REC114: variants seen among roughly 807,000 people sequenced by gnomAD.
REC114 encodes REC114 meiotic recombination protein, also known as meiotic recombination protein REC114.
Under a neutral mutation model 31.3 loss-of-function variants are expected in REC114, and 27 were observed. That is an observed-to-expected ratio of 0.86 (90% CI 0.64 to 1.19). The LOEUF is 1.19. Among genes scored for constraint, REC114 ranks in the 50% most tolerant of loss-of-function variants. The pLI, the probability that REC114 is intolerant of heterozygous loss-of-function variation, is 0.00. For missense variants in REC114, 344 were observed against 326.9 expected (o/e 1.05, Z -0.40); for synonymous variants, 134 against 127.7 (o/e 1.05, Z -0.33).
chr15:73,511,013 G>A (rs1262180889), intron 2 of REC114, among the ~76,000 whole-genome samples: 1 of 151,950 alleles, frequency 6.6e-6, no homozygotes, highest in Admixed American at 6.6e-5. Context: ...GTTTCAGAAG[G>A]AATGGTACCA....
chr15:73,500,975 C>T (rs1441515862), intron 2 of REC114, among the ~76,000 whole-genome samples: 1 of 152,094 alleles, frequency 6.6e-6, no homozygotes. Flanking sequence ...AGGGAGGAGT[C>T]ATCTGGCTTA....
At chr15:73,552,099 A>T (rs1422779585) in intron 4 of REC114, among the ~76,000 whole-genome samples, 1 of 152,268 alleles carries the variant, frequency 6.6e-6, no homozygotes, top group African/African-American at 2.4e-5. Flanking sequence ...AGTGTAAGAT[A>T]GGCTAAAAGA....
At chr15:73,535,712 C>T (rs368242192) in intron 2 of REC114, among the ~76,000 whole-genome samples, 4 of 145,228 alleles carry the variant, frequency 2.8e-5, no homozygotes, top group African/African-American at 5.1e-5. Flanking sequence ...GAGCCTGCAT[C>T]GCCAAGTCAA....
chr15:73,517,580 G>A (rs1361133571), intron 2 of REC114, among the ~76,000 whole-genome samples: 4 of 152,158 alleles, frequency 2.6e-5, no homozygotes, highest in Admixed American at 6.5e-5. Flanking sequence ...CTCAACTGAA[G>A]GTAGCCTCAT....
chr15:73,443,714 A>G (rs1335834707), intron 1 of REC114, among the ~76,000 whole-genome samples: 2 of 152,306 alleles, frequency 1.3e-5, no homozygotes, highest in Non-Finnish European at 2.9e-5. Context: ...TGGAGGATAT[A>G]CTATTTATCC....
chr15:73,486,483 T>G (rs1189535358), intron 2 of REC114, among the ~76,000 whole-genome samples: 2 of 152,204 alleles, frequency 1.3e-5, no homozygotes, highest in Non-Finnish European at 1.5e-5. Flanking sequence ...TAAGCTATCT[T>G]ACCTTTCCCT....
At chr15:73,535,002 A>G in intron 2 of REC114, among the ~76,000 whole-genome samples, 1 of 142,468 alleles carries the variant, frequency 7.0e-6, no homozygotes, top group East Asian at 2.0e-4. Context: ...AAAACTCTCA[A>G]TAAATTAGGT....
Position 73,559,965 on chromosome 15 carries a change from C to T in REC114, c.*49C>T, listed in dbSNP as rs938835314. ...AGGAACTTCAAAGTATTGAAAAATG[C>T]TTCCTCCTAAAATTAAAGAAGATAT... is the stretch of plus-strand genomic sequence containing the variant. On this transcript the variant is annotated 3_prime_UTR_variant, in exon 6 of 6. Transcript: ENST00000331090. 1.4e-6 allele frequency: 2 copies of T among 1,449,410 alleles called. No homozygotes were observed. Among genetic ancestry groups the T allele is most frequent in the Non-Finnish European group, 1.9e-6 (2 of 1,080,146 alleles). 89.8% of individuals were successfully genotyped at this position (1,449,410 alleles called of 1,614,324 possible).
At chr15:73,509,760 G>A (rs1469710189) in intron 2 of REC114, among the ~76,000 whole-genome samples, 7 of 150,450 alleles carry the variant, frequency 4.7e-5, no homozygotes, top group South Asian at 2.1e-4. Flanking sequence ...GTAGGTATGC[G>A]GCGTTATTTC....
rs979842150 is a variant in REC114, at chr15:73,510,054, T to C, written c.250-30431T>C. 1.1e-4 allele frequency among the ~76,000 whole-genome samples: 17 copies of C among 152,094 alleles called. 1 individual carries two copies. Among genetic ancestry groups the C allele is most frequent in the African/African-American group, 1.7e-4 (7 of 41,430 alleles). On this transcript the variant is annotated intron_variant, in intron 2 of 5. Transcript: ENST00000331090. ...GGGCAGTATGGCCATTTTCACAATA[T>C]TGATTCTTCCTACCCATGAGCATGG...
intron 2 of REC114, among the ~76,000 whole-genome samples, chr15:73,475,341 T>C (rs1893196650): frequency 6.6e-6 from 1 of 152,200 alleles, no homozygotes. Context: ...TGGTGCATGT[T>C]GCATATACAG....
chr15:73,522,649 A>G (rs1893951914), intron 2 of REC114, among the ~76,000 whole-genome samples: 1 of 152,216 alleles, frequency 6.6e-6, no homozygotes, highest in African/African-American at 2.4e-5. Flanking sequence ...GTATATCACT[A>G]TATGGATATA....
At chr15:73,503,894 A>G (rs896605687) in intron 2 of REC114, among the ~76,000 whole-genome samples, 2 of 150,690 alleles carry the variant, frequency 1.3e-5, no homozygotes, top group Non-Finnish European at 3.0e-5. Flanking sequence ...CTTTTCAATT[A>G]GTTTATGTTA....
chr15:73,506,119 A>G (rs934190288), intron 2 of REC114, among the ~76,000 whole-genome samples: 1 of 152,110 alleles, frequency 6.6e-6, no homozygotes, highest in Non-Finnish European at 1.5e-5. Flanking sequence ...AAATGTTATT[A>G]TTACTTATTT....
chr15:73,462,884 C>CAAAAAAAAAAAAAAAAAAAAA (rs769569268), intron 1 of REC114, among the ~76,000 whole-genome samples: 16 of 55,650 alleles, frequency 2.9e-4, no homozygotes, highest in African/African-American at 9.9e-4. Flanking sequence ...GACTCCGTCT[C>CAAAAAAAAAAAAAAAAAAAAA]AAAAAAAAAA....
intron 1 of REC114, among the ~76,000 whole-genome samples, chr15:73,457,680 T>A (rs116081214): frequency 0.013 from 2,024 of 152,258 alleles, 52 homozygotes; most frequent in African/African-American, 0.046. Context: ...TTCCTTTGAT[T>A]TGTTCAGTTT....
intron 2 of REC114, among the ~76,000 whole-genome samples, chr15:73,502,072 T>C (rs1235118479): frequency 1.3e-5 from 2 of 151,962 alleles, no homozygotes; most frequent in African/African-American, 2.4e-5. Context: ...TGGAGATAGC[T>C]TGAGCCCAGG....
At position 73,508,742 on chromosome 15, in the gene REC114, A is replaced by G. The variant is rs1052441712; in HGVS notation, c.250-31743A>G. On this transcript the variant is annotated intron_variant, in intron 2 of 5. Coordinates refer to ENST00000331090, the MANE Select transcript of REC114 (RefSeq NM_001042367.2). The stretch of plus-strand genomic sequence containing the variant: ...AGTTTACTGAGAATGATGATTTCCA[A>G]TTTCATCCATGTCCCTACAAAGGAC... Among the ~76,000 whole-genome samples the G allele has an allele frequency of 3.3e-5, 5 of 149,620 alleles. No individual in the cohort carries two copies. In the South Asian group the frequency reaches 6.4e-4, roughly 19 times the overall value.
rs550261967 is a variant in REC114, at chr15:73,559,766, G to A, written c.651G>A (p.Ser217=). The A allele has an allele frequency of 2.7e-5, 42 of 1,569,664 alleles. No homozygotes were observed. Among genetic ancestry groups the A allele is most frequent in the Non-Finnish European group, 3.3e-5 (38 of 1,164,104 alleles). Residue 217 remains serine (S), a synonymous_variant, in exon 6 of 6, where the codon TCG becomes TCA. Coordinates refer to ENST00000331090, the MANE Select transcript of REC114 (RefSeq NM_001042367.2). ...TATCCCTGCAGACTCTTCTGGCATC[G>A]GAGGAGCTGCCCCATGTCTATGAAC... ...LTQLAQTLLA[S]EELPHVYEQS...
Sources: gnomAD v4.1 joint callset for allele counts (sites outside exome capture counted in the v4.1 genomes callset) on GRCh38, gnomAD v4.1.1 for gene constraint, MANE v1.5 for transcripts, NCBI Gene and HGNC (gene_info 2026-07-23, HGNC 2026-07-21) for gene names.